The following SETD3 variants were observed in gnomAD, a reference collection of about 807,000 sequenced individuals.
SETD3 encodes SET domain containing 3, actin N3(tau)-histidine methyltransferase, also known as actin-histidine N-methyltransferase.
Under a neutral mutation model 63.0 loss-of-function variants are expected in SETD3, and 19 were observed. That is an observed-to-expected ratio of 0.30 (90% CI 0.21 to 0.44). The LOEUF (loss-of-function observed/expected upper bound fraction) is 0.44. Ranked by LOEUF, SETD3 falls within the 20% of genes least tolerant of loss-of-function variation. SETD3 has a pLI of 1.00. For missense variants in SETD3, 587 were observed against 728.5 expected (o/e 0.81, Z 2.24); for synonymous variants, 286 against 264.1 (o/e 1.08, Z -0.80).
chr14:99,431,480 T>C (rs1488942360), intron 6 of SETD3, among the ~76,000 whole-genome samples: 1 of 151,952 alleles, frequency 6.6e-6, no homozygotes, highest in African/African-American at 2.4e-5. Flanking sequence ...AATAGCAACA[T>C]GCATTAGTAG....
rs145884296 is a variant in SETD3 at position 99,405,966 on chromosome 14, T to C, written c.924+550A>G. Among the ~76,000 whole-genome samples, 9 of 152,348 alleles carry C rather than the reference T, an allele frequency of 5.9e-5. 1 individual carries two copies. The East Asian group carries it at 1.7e-3, about 29-fold the overall frequency. On this transcript the variant is annotated intron_variant, in intron 9 of 12. Transcript: ENST00000331768. The stretch of plus-strand genomic sequence containing the variant: ...CAATTATGGATGTGAGTTCCATGAC[T>C]GTACTGTCTGCTTGGGTGTAGACTG...
At chr14:99,454,738 G>A (rs909049399) in intron 6 of SETD3, among the ~76,000 whole-genome samples, 6 of 136,492 alleles carry the variant, frequency 4.4e-5, no homozygotes, top group Non-Finnish European at 6.4e-5. Flanking sequence ...AGGAAGGCGC[G>A]GAGACCGGCC....
chr14:99,442,873 A>C (rs1893908055), intron 6 of SETD3, among the ~76,000 whole-genome samples: 3 of 152,168 alleles, frequency 2.0e-5, no homozygotes, highest in Non-Finnish European at 2.9e-5. Context: ...ACAGGTACTG[A>C]CTGCCAGGTA....
intron 1 of SETD3, among the ~76,000 whole-genome samples, chr14:99,476,750 G>A (rs1048961152): frequency 5.3e-5 from 8 of 152,070 alleles, no homozygotes; most frequent in South Asian, 4.1e-4. Context: ...CCATTTAGTC[G>A]GAAGACTTTC....
intron 6 of SETD3, among the ~76,000 whole-genome samples, chr14:99,452,550 C>T (rs1221085245): frequency 2.0e-5 from 3 of 152,174 alleles, no homozygotes; most frequent in Non-Finnish European, 4.4e-5. Context: ...TTTTAGGCAA[C>T]CACCACCAAA....
intron 6 of SETD3, among the ~76,000 whole-genome samples, chr14:99,423,705 G>C (rs1892721526): frequency 6.7e-6 from 1 of 148,492 alleles, no homozygotes; most frequent in African/African-American, 2.5e-5. Context: ...ACTTCCATAA[G>C]TACTGTTAAA....
intron 6 of SETD3, among the ~76,000 whole-genome samples, chr14:99,453,018 T>C (rs915515239): frequency 6.6e-6 from 1 of 152,176 alleles, no homozygotes; most frequent in Non-Finnish European, 1.5e-5. Context: ...AGGGTCCCCA[T>C]GACCCTGGAA....
chr14:99,486,114 C>G, the SETD3 span, among the ~76,000 whole-genome samples: 1 of 152,168 alleles, frequency 6.6e-6, no homozygotes. Context: ...CAACTAATCA[C>G]CAATTAAAGT....
intron 6 of SETD3, among the ~76,000 whole-genome samples, chr14:99,451,126 T>C (rs1253003945): frequency 6.6e-6 from 1 of 152,202 alleles, no homozygotes; most frequent in Non-Finnish European, 1.5e-5. Flanking sequence ...ACAATTATAG[T>C]ACTTCAAAGT....
At chr14:99,434,038 A>G (rs1411038410) in intron 6 of SETD3, among the ~76,000 whole-genome samples, 2 of 152,186 alleles carry the variant, frequency 1.3e-5, no homozygotes, top group Non-Finnish European at 2.9e-5. Context: ...CAATACCCCA[A>G]TGATTCTTCT....
intron 6 of SETD3, among the ~76,000 whole-genome samples, chr14:99,433,088 A>C (rs1016403407): frequency 4.6e-5 from 7 of 152,208 alleles, no homozygotes; most frequent in Admixed American, 4.6e-4. Flanking sequence ...CATCCAGAAG[A>C]AAAAGCCAAG....
intron 2 of SETD3, among the ~76,000 whole-genome samples, chr14:99,464,250 A>T (rs1238717148): frequency 6.6e-6 from 1 of 152,202 alleles, no homozygotes; most frequent in Non-Finnish European, 1.5e-5. Flanking sequence ...CACCCCGCCT[A>T]TTGGCAGCTC....
chr14:99,419,746 G>A (rs1428108196), intron 6 of SETD3, among the ~76,000 whole-genome samples: 2 of 149,256 alleles, frequency 1.3e-5, no homozygotes, highest in Non-Finnish European at 3.0e-5. Context: ...CTGCACTCCA[G>A]CCTGGGCGAC....
chr14:99,461,215 A>C lies in SETD3; in HGVS notation c.322T>G (p.Leu108Val). The C allele has an allele frequency of 6.2e-7, 1 of 1,614,080 alleles. No individual in the cohort carries two copies. Among genetic ancestry groups the C allele is most frequent in the Non-Finnish European group, 8.5e-7 (1 of 1,180,010 alleles). ...ACCTTGATATCTCTTGTTGCTCTCA[A>C]ACCAAAGCCCTCTTCTTTGAAGTTA... ...MVNFKEEGFG[L>V]RATRDIKAEE... Residue 108 changes from leucine to valine, a missense_variant, in exon 4 of 13, where the codon TTG becomes GTG. By Grantham distance (32) the Leu-to-Val change is conservative. Coordinates refer to ENST00000331768, the MANE Select transcript of SETD3 (RefSeq NM_032233.3).
In SETD3 at chr14:99,414,168, G is replaced by A. The variant is rs536504805; in HGVS notation, c.676-234C>T. Among the ~76,000 whole-genome samples the A allele has an allele frequency of 5.9e-5, 9 of 152,294 alleles. No individual in the cohort carries two copies. The South Asian group carries it at 1.7e-3, about 28-fold the overall frequency. On this transcript the variant is annotated intron_variant, in intron 6 of 12. Coordinates refer to ENST00000331768, the MANE Select transcript of SETD3 (RefSeq NM_032233.3). ...CCATAAATCTGCTTCTTCATATTTCGATACTAGCACCCACAGACAACGCGC... is the reference window on the plus strand; with the variant it reads ...CCATAAATCTGCTTCTTCATATTTCAATACTAGCACCCACAGACAACGCGC...
intron 6 of SETD3, among the ~76,000 whole-genome samples, chr14:99,449,698 C>T (rs1025999958): frequency 1.3e-5 from 2 of 152,180 alleles, no homozygotes; most frequent in Non-Finnish European, 2.9e-5. Context: ...GCCAGGACAA[C>T]ACTGGTGAAA....
chr14:99,426,281 C>T (rs12590989), intron 6 of SETD3, among the ~76,000 whole-genome samples: 62,698 of 152,078 alleles, frequency 0.41, 13,520 homozygotes, highest in East Asian at 0.56. Context: ...TCCTGAGTTG[C>T]TTCATGGATT....
At chr14:99,423,585 A>C (rs1173392159) in intron 6 of SETD3, among the ~76,000 whole-genome samples, 1 of 110,320 alleles carries the variant, frequency 9.1e-6, no homozygotes, top group Non-Finnish European at 1.8e-5. Flanking sequence ...AAGCACTGTT[A>C]TGCAAAAAAA....
At chr14:99,453,221 T>G (rs563328839) in intron 6 of SETD3, among the ~76,000 whole-genome samples, 2 of 152,226 alleles carry the variant, frequency 1.3e-5, no homozygotes, top group Non-Finnish European at 2.9e-5. Flanking sequence ...CATGGTTTGG[T>G]ACTGAGATGA....
Sources: allele counts gnomAD v4.1 joint callset (sites outside exome capture counted in the v4.1 genomes callset), GRCh38; gene constraint gnomAD v4.1.1; transcripts MANE v1.5; gene names NCBI Gene and HGNC (gene_info 2026-07-23, HGNC 2026-07-21).